Variants in NOX5 observed in about 807,000 individuals in gnomAD.
The protein encoded by NOX5 is NADPH oxidase 5.
A neutral mutation model predicts 85.7 loss-of-function variants in NOX5; 76 were observed. The observed-to-expected ratio is 0.89, with a 90% CI of 0.74 to 1.07. The LOEUF is 1.07. Among genes scored for constraint, NOX5 ranks in the 50% least tolerant of loss-of-function variants. The probability of loss-of-function intolerance (pLI) is 0.00; values close to 1 mark genes in which losing one functional copy is unlikely to be tolerated. For missense variants in NOX5, 973 were observed against 999.5 expected (o/e 0.97, Z 0.36); for synonymous variants, 405 against 401.4 (o/e 1.01, Z -0.11).
In NOX5 at chr15:69,033,111, C is replaced by T. The variant is rs2050462259; in HGVS notation, c.689C>T (p.Ala230Val). The stretch of plus-strand genomic sequence containing the variant: ...CGCCGGCCGCGCCAGCTGACCCGCG[C>T]CTACTGGCACAACCACCGCAGCCAG... ...RPRRPRQLTR[A>V]YWHNHRSQLF... The change falls in exon 5 of 16, where the codon GCC (alanine) becomes GTC (valine). Residue 230 changes from alanine (A) to valine (V), a missense_variant. Coordinates refer to ENST00000388866, the MANE Select transcript of NOX5 (RefSeq NM_024505.4). 6.4e-7 allele frequency: 1 copy of T among 1,557,646 alleles called. No individual in the cohort carries two copies.
chr15:69,028,207 G>A lies in NOX5; in HGVS notation c.175-8G>A, dbSNP rs780559362. ...AGTTGTGCTGTCTTCCACCCTTCTC[G>A]CCCACAGTCCTTCTTTGCAGAGCGA... On this transcript the variant is annotated splice_region_variant and splice_polypyrimidine_tract_variant and intron_variant, in intron 2 of 15. Transcript: ENST00000388866. 36 of 1,588,630 alleles carry A rather than the reference G, an allele frequency of 2.3e-5. No individual in the cohort carries two copies. The highest frequency in any genetic ancestry group is 2.7e-5 in the Non-Finnish European group (31 of 1,167,220).
At chr15:69,053,170 G>A (rs1472923692) in intron 14 of NOX5, among the ~76,000 whole-genome samples, 1 of 152,168 alleles carries the variant, frequency 6.6e-6, no homozygotes, top group Non-Finnish European at 1.5e-5. Flanking sequence ...TATAGCTTAA[G>A]CGTCAATTAT....
At chr15:69,023,489 G>T in intron 1 of NOX5, 2 of 382,834 alleles carry the variant, frequency 5.2e-6, no homozygotes, top group Non-Finnish European at 1.0e-5. Context: ...CCCGAATAGA[G>T]CCAGGGTTGT....
chr15:69,015,585 G>A (rs2050221252), intron 1 of NOX5, among the ~76,000 whole-genome samples: 1 of 152,140 alleles, frequency 6.6e-6, no homozygotes, highest in South Asian at 2.1e-4. Flanking sequence ...CACAAGATCC[G>A]GGGTGCAGGT....
Position 69,059,211 on chromosome 15 carries a change from T to C in NOX5, c.*2515T>C, listed in dbSNP as rs1157828548. 6.6e-6 allele frequency: 1 copy of C among 152,232 alleles called. No individual in the cohort carries two copies. The highest frequency in any genetic ancestry group is 2.4e-5 in the African/African-American group (1 of 41,454). 9.4% of individuals were successfully genotyped at this position (152,232 alleles called of 1,614,324 possible). On this transcript the variant is annotated 3_prime_UTR_variant, in exon 16 of 16. Coordinates refer to ENST00000388866, the MANE Select transcript of NOX5 (RefSeq NM_024505.4). ...AATGCCCACATGTGTGACGACCATA[T>C]GCCCGTGTCCTGAGGTTTTCTCTCC...
At position 69,040,073 on chromosome 15, in the gene NOX5, C is replaced by T. The variant is rs1323744042; in HGVS notation, c.1504+1084C>T. Among the ~76,000 whole-genome samples, 4 of 152,328 alleles carry T rather than the reference C, an allele frequency of 2.6e-5. No individual in the cohort carries two copies. The East Asian group carries it at 7.7e-4, about 29-fold the overall frequency. On this transcript the variant is annotated intron_variant, in intron 9 of 15. Coordinates refer to ENST00000388866, the MANE Select transcript of NOX5 (RefSeq NM_024505.4). ...GCTTTAGTGTCACTCAGGATGCCTC[C>T]CAGACCCAGCCCAGCAGGACCCCTG...
At position 69,042,669 on chromosome 15, in the gene NOX5, T is replaced by A. The variant is rs1255084042; in HGVS notation, c.1511T>A (p.Ile504Asn). 3 of 1,613,182 alleles carry A rather than the reference T, an allele frequency of 1.9e-6. No individual in the cohort carries two copies. In the Admixed American group the frequency reaches 5.0e-5, roughly 27 times the overall value. ...CCACTCTTCTCTTTCTCAGACACTA[T>A]CTGGCTGCACATTCGGTCCCAAGGC... Reference protein sequence around the residue: ...ISSAPEQKDTIWLHIRSQGQW... With the variant: ...ISSAPEQKDTNWLHIRSQGQW... Residue 504 changes from isoleucine to asparagine, a missense_variant, in exon 10 of 16, where the codon ATC becomes AAC. Ile to Asn is a moderately radical substitution (Grantham distance 149). Coordinates refer to ENST00000388866, the MANE Select transcript of NOX5 (RefSeq NM_024505.4).
intron 1 of NOX5, among the ~76,000 whole-genome samples, chr15:69,015,532 C>T (rs534301359): frequency 2.4e-4 from 37 of 152,278 alleles, no homozygotes; most frequent in African/African-American, 8.2e-4. Flanking sequence ...ACCCCTAGGG[C>T]AGCATTTCTC....
intron 3 of NOX5, 94 bp downstream of exon 3, chr15:69,028,459 T>A: frequency 7.8e-7 from 1 of 1,289,558 alleles, no homozygotes. Context: ...GGAGGTGCCA[T>A]CCCGGCCTCC....
At chr15:69,048,633 C>T (rs2050706627) in intron 13 of NOX5, among the ~76,000 whole-genome samples, 2 of 152,020 alleles carry the variant, frequency 1.3e-5, no homozygotes, top group South Asian at 2.1e-4. Context: ...CTGTATAGGC[C>T]ACTTAGAAGA....
chr15:69,045,758 G>C (rs2050665849), intron 10 of NOX5, among the ~76,000 whole-genome samples: 1 of 151,852 alleles, frequency 6.6e-6, no homozygotes, highest in South Asian at 2.1e-4. Flanking sequence ...GTGTTAGAGA[G>C]GTTAAAAGAT....
intron 9 of NOX5, 139 bp downstream of exon 9, chr15:69,039,128 T>A (rs754358532): frequency 3.2e-5 from 31 of 970,272 alleles, no homozygotes; most frequent in Non-Finnish European, 4.9e-5. Context: ...CTCTTTGAAG[T>A]GGGAGCAGGC....
In NOX5 at chr15:69,056,718, C is replaced by G; in HGVS notation, c.*22C>G. The G allele has an allele frequency of 6.2e-7, 1 of 1,612,178 alleles. No homozygotes were observed. Among genetic ancestry groups the G allele is most frequent in the African/African-American group, 1.3e-5 (1 of 74,974 alleles). ...CTAGCCTCACCTCTCCAAGCTCTGC[C>G]CCAAGTCCACACCATGGGTCTGCTT... On this transcript the variant is annotated 3_prime_UTR_variant, in exon 16 of 16. Transcript: ENST00000388866.
chr15:69,046,874 G>C lies in NOX5; in HGVS notation c.1692+8G>C, dbSNP rs772445222. On this transcript the variant is annotated splice_region_variant and intron_variant, in intron 11 of 15. Coordinates refer to ENST00000388866, the MANE Select transcript of NOX5 (RefSeq NM_024505.4). ...AAATTCTGTAACATCAAGGTGAGAGGCTGCAGGGGTGGACGTGAGCAATAA... is the reference window on the plus strand; with the variant it reads ...AAATTCTGTAACATCAAGGTGAGAGCCTGCAGGGGTGGACGTGAGCAATAA... 1.2e-6 allele frequency: 2 copies of C among 1,613,624 alleles called. No homozygotes were observed. Among genetic ancestry groups the C allele is most frequent in the South Asian group, 2.2e-5 (2 of 91,010 alleles).
intron 1 of NOX5, among the ~76,000 whole-genome samples, chr15:69,019,393 T>C (rs1442253097): frequency 6.6e-6 from 1 of 152,252 alleles, no homozygotes; most frequent in Non-Finnish European, 1.5e-5. Context: ...CTCTTTGTGA[T>C]ATTGTACTAC....
intron 13 of NOX5, 128 bp from the exon 14 acceptor site, chr15:69,048,831 C>T (rs889505956): frequency 3.3e-6 from 2 of 600,532 alleles, no homozygotes; most frequent in African/African-American, 3.7e-5. Context: ...TTTTTCCCTC[C>T]CTTAAATGGG....
rs2050875262 is a variant in NOX5, at chr15:69,062,023, C to A, written c.*5327C>A. ...GTCCCCAGTGACTAGAATAGCGTCA[C>A]CACCTAGTAGGTGCTTGGCGTGTTT... On this transcript the variant is annotated 3_prime_UTR_variant, in exon 16 of 16. Transcript: ENST00000388866. 1 of 152,096 alleles carries A rather than the reference C, an allele frequency of 6.6e-6. No homozygotes were observed. Among genetic ancestry groups the A allele is most frequent in the African/African-American group, 2.4e-5 (1 of 41,418 alleles). The allele number at this position is 152,096 out of a possible 1,614,324, so 9.4% of individuals were successfully genotyped here. A position where few individuals can be genotyped will look rare whatever the true frequency, so the allele number is the denominator to read the frequency against.
Position 69,028,311 on chromosome 15 carries a change from C to T in NOX5, c.271C>T (p.His91Tyr). The change falls in exon 3 of 16, where the codon CAT (histidine) becomes TAT (tyrosine). Residue 91 changes from histidine to tyrosine, a missense_variant. Transcript: ENST00000388866. Reference protein sequence around the residue: ...ELQEALTLLIHGSPMDKLKFL... With the variant: ...ELQEALTLLIYGSPMDKLKFL... ...GCAGGAGGCACTGACCCTGCTCATCCATGGCAGCCCCATGGACAAACTCAA... is the reference window on the plus strand; with the variant it reads ...GCAGGAGGCACTGACCCTGCTCATCTATGGCAGCCCCATGGACAAACTCAA... 2 of 1,613,492 alleles carry T rather than the reference C, an allele frequency of 1.2e-6. No individual in the cohort carries two copies. The highest frequency in any genetic ancestry group is 1.7e-6 in the Non-Finnish European group (2 of 1,179,726).
chr15:69,038,576 G>T (rs1377141863), intron 8 of NOX5, among the ~76,000 whole-genome samples: 1 of 152,158 alleles, frequency 6.6e-6, no homozygotes, highest in African/African-American at 2.4e-5. Context: ...GTCACAGAGG[G>T]TCCACTAAAA....
Sources: allele counts gnomAD v4.1 joint callset (sites outside exome capture counted in the v4.1 genomes callset), GRCh38; gene constraint gnomAD v4.1.1; transcripts MANE v1.5; gene names NCBI Gene and HGNC (gene_info 2026-07-23, HGNC 2026-07-21).